Variants in CIRSR observed in about 807,000 individuals in gnomAD.
CIRSR encodes CBF1 (RBPJ) interacting corepressor 1.
the CIRSR span, chr2:174,387,797 A>C: frequency 6.5e-7 from 1 of 1,549,742 alleles, no homozygotes; most frequent in East Asian, 2.3e-5. Flanking sequence ...AGTGAAGTAA[A>C]AATGCAAATT....
At chr2:174,358,681 T>C in the CIRSR span, 1 of 152,694 alleles carries the variant, frequency 6.5e-6, no homozygotes, top group Non-Finnish European at 1.5e-5. Context: ...ATTTGTGCTG[T>C]GATGAACCTG....
the CIRSR span, among the ~76,000 whole-genome samples, chr2:174,366,853 A>G: frequency 6.6e-6 from 1 of 152,210 alleles, no homozygotes; most frequent in Non-Finnish European, 1.5e-5. Context: ...GAAATTGTAT[A>G]GTATTCGAAA....
chr2:174,354,581 TTA>T, the CIRSR span, among the ~76,000 whole-genome samples: 10 of 17,392 alleles, frequency 5.7e-4, no homozygotes, highest in African/African-American at 1.2e-3. Flanking sequence ...ATATTATATA[TTA>T]TATATATCAT....
the CIRSR span, chr2:174,358,504 CT>C: frequency 6.5e-6 from 1 of 153,244 alleles, no homozygotes; most frequent in Non-Finnish European, 1.5e-5. Flanking sequence ...TCCCAAAGTG[CT>C]GGGATTACAG....
chr2:174,395,651 G>A, the CIRSR span: 4 of 1,614,172 alleles, frequency 2.5e-6, no homozygotes, highest in Admixed American at 3.3e-5. Flanking sequence ...GAAAGCAGGG[G>A]CTAGATCTGT....
the CIRSR span, chr2:174,381,683 G>T: frequency 1.3e-6 from 2 of 1,544,658 alleles, no homozygotes; most frequent in Non-Finnish European, 1.7e-6. Flanking sequence ...AAGAAAAAAA[G>T]AAACGGAAGA....
chr2:174,385,259 A>G, the CIRSR span, among the ~76,000 whole-genome samples: 1 of 151,900 alleles, frequency 6.6e-6, no homozygotes, highest in South Asian at 2.1e-4. Context: ...ATCTTAGGAA[A>G]AAAGTATAAA....
chr2:174,364,127 A>G, the CIRSR span, among the ~76,000 whole-genome samples: 1 of 152,222 alleles, frequency 6.6e-6, no homozygotes, highest in Non-Finnish European at 1.5e-5. Context: ...AAATTCAGCC[A>G]TGCCAAATGA....
At chr2:174,389,326 C>A in the CIRSR span, among the ~76,000 whole-genome samples, 1 of 152,124 alleles carries the variant, frequency 6.6e-6, no homozygotes, top group African/African-American at 2.4e-5. Flanking sequence ...ACAATGAAGT[C>A]CAGGATGAGG....
At chr2:174,392,851 A>AT in the CIRSR span, among the ~76,000 whole-genome samples, 5 of 152,352 alleles carry the variant, frequency 3.3e-5, no homozygotes, top group East Asian at 9.6e-4. Flanking sequence ...TGTCTAGTAG[A>AT]TAGCTGTCTT....
the CIRSR span, among the ~76,000 whole-genome samples, chr2:174,369,581 C>T: frequency 6.6e-6 from 1 of 152,174 alleles, no homozygotes; most frequent in Non-Finnish European, 1.5e-5. Context: ...AAAGCTTAAT[C>T]ATTTCTAGCT....
chr2:174,375,636 T>C, the CIRSR span, among the ~76,000 whole-genome samples: 4 of 152,166 alleles, frequency 2.6e-5, no homozygotes, highest in Admixed American at 6.5e-5. Context: ...AAATAAAATG[T>C]TCATTTTACC....
At chr2:174,391,317 A>G in the CIRSR span, among the ~76,000 whole-genome samples, 3 of 152,218 alleles carry the variant, frequency 2.0e-5, no homozygotes, top group Non-Finnish European at 2.9e-5. Flanking sequence ...GAACGTAAGT[A>G]GTTCAATATT....
At chr2:174,356,738 G>A in the CIRSR span, among the ~76,000 whole-genome samples, 4 of 152,094 alleles carry the variant, frequency 2.6e-5, 1 homozygote, top group South Asian at 8.3e-4. Context: ...AAACTAAATT[G>A]CTACCCTAAA....
the CIRSR span, among the ~76,000 whole-genome samples, chr2:174,394,971 A>T: frequency 6.6e-6 from 1 of 152,252 alleles, no homozygotes; most frequent in East Asian, 1.9e-4. Context: ...TAAGGCTAAA[A>T]GTGACTGCTC....
the CIRSR span, among the ~76,000 whole-genome samples, chr2:174,353,433 T>C: frequency 6.6e-6 from 1 of 152,222 alleles, no homozygotes; most frequent in African/African-American, 2.4e-5. Flanking sequence ...TGGTTGCCTC[T>C]AAATGGCATA....
At chr2:174,375,720 T>C in the CIRSR span, among the ~76,000 whole-genome samples, 1 of 152,260 alleles carries the variant, frequency 6.6e-6, no homozygotes, top group Non-Finnish European at 1.5e-5. Context: ...AGGTAACATA[T>C]TTAGTTTTCA....
At chr2:174,358,808 G>C in the CIRSR span, among the ~76,000 whole-genome samples, 10 of 152,134 alleles carry the variant, frequency 6.6e-5, no homozygotes, top group East Asian at 1.9e-3. Context: ...TGCCTCCCAG[G>C]TTCAAGCAAT....
At chr2:174,357,825 A>C in the CIRSR span, among the ~76,000 whole-genome samples, 1 of 152,208 alleles carries the variant, frequency 6.6e-6, no homozygotes, top group Non-Finnish European at 1.5e-5. Context: ...GCAGCATAAC[A>C]CCCAGGAAAA....
Sources: allele counts gnomAD v4.1 joint callset (sites outside exome capture counted in the v4.1 genomes callset), GRCh38; gene constraint gnomAD v4.1.1; transcripts MANE v1.5; gene names NCBI Gene and HGNC (gene_info 2026-07-23, HGNC 2026-07-21).